Variants in SAMD4A observed in about 807,000 individuals in gnomAD.
SAMD4A encodes sterile alpha motif domain containing 4A.
SAMD4A carries 33 observed loss-of-function variants against 81.3 expected under a neutral mutation model. That is an observed-to-expected ratio of 0.41 (90% CI 0.31 to 0.54). The LOEUF is 0.54. SAMD4A is among the 20% of genes least tolerant of loss of function. The pLI is 0.37. For synonymous variants in SAMD4A, 389 were observed against 382.1 expected, an observed-to-expected ratio of 1.02 and a Z score of -0.21; for missense variants, 854 against 951.1, an observed-to-expected ratio of 0.90 and a Z score of 1.34.
At chr14:54,701,919 A>C in intron 2 of SAMD4A, 143 bp from the exon 3 acceptor site, 1 of 873,600 alleles carries the variant, frequency 1.1e-6, no homozygotes, top group East Asian at 2.7e-5. Context: ...TCAGTTAACC[A>C]ATCTGATTCA....
chr14:54,774,850 A>T, intron 9 of SAMD4A, 84 bp from the exon 10 acceptor site: 1 of 1,275,696 alleles, frequency 7.8e-7, no homozygotes, highest in Non-Finnish European at 1.1e-6. Context: ...GAGACCTCCA[A>T]GGCGACATCC....
intron 2 of SAMD4A, among the ~76,000 whole-genome samples, chr14:54,572,239 G>A (rs1265354600): frequency 1.3e-5 from 2 of 152,142 alleles, no homozygotes; most frequent in Non-Finnish European, 2.9e-5. Context: ...TATGAGGAGA[G>A]GCCTACTGGG....
At chr14:54,675,866 G>A (rs928907654) in intron 2 of SAMD4A, among the ~76,000 whole-genome samples, 6 of 152,282 alleles carry the variant, frequency 3.9e-5, no homozygotes, top group African/African-American at 1.2e-4. Flanking sequence ...AAGATCTCAC[G>A]GTAGAGAGTC....
At position 54,682,352 on chromosome 14, in the gene SAMD4A, G is replaced by A. The variant is rs115277688; in HGVS notation, c.197-19710G>A. Among the ~76,000 whole-genome samples the A allele has an allele frequency of 4.8e-3, 724 of 152,224 alleles. 2 individuals are homozygous for A. Among genetic ancestry groups the A allele is most frequent in the African/African-American group, 0.017 (694 of 41,534 alleles). On this transcript the variant is annotated intron_variant, in intron 2 of 12. Coordinates refer to ENST00000554335, the MANE Select transcript of SAMD4A (RefSeq NM_015589.6). ...ATCTTCCCTGAGCCATGCCTGTGTA[G>A]GAGGCAGCCACAGAATAATAAGCAG...
chr14:54,771,495 C>G (rs768167850), intron 9 of SAMD4A, among the ~76,000 whole-genome samples: 1 of 152,112 alleles, frequency 6.6e-6, no homozygotes, highest in Admixed American at 6.5e-5. Flanking sequence ...TCAGGCAAAG[C>G]GACACTCTTC....
intron 8 of SAMD4A, 81 bp downstream of exon 8, chr14:54,764,621 T>C: frequency 1.1e-6 from 1 of 927,072 alleles, no homozygotes; most frequent in Non-Finnish European, 1.7e-6. Flanking sequence ...ATGTGATCAT[T>C]TTAGCCTCCA....
intron 2 of SAMD4A, among the ~76,000 whole-genome samples, chr14:54,676,187 C>T (rs1649203360): frequency 6.6e-6 from 1 of 152,216 alleles, no homozygotes; most frequent in South Asian, 2.1e-4. Context: ...TGGCTCCTGA[C>T]AGTCACCCTA....
intron 2 of SAMD4A, among the ~76,000 whole-genome samples, chr14:54,613,917 C>T (rs2034428150): frequency 6.6e-6 from 1 of 152,196 alleles, no homozygotes; most frequent in Non-Finnish European, 1.5e-5. Flanking sequence ...AGTACAAATT[C>T]ACCCGTAAGA....
At chr14:54,779,334 C>A (rs2038941109) in intron 11 of SAMD4A, among the ~76,000 whole-genome samples, 1 of 152,126 alleles carries the variant, frequency 6.6e-6, no homozygotes, top group Non-Finnish European at 1.5e-5. Context: ...TGTAACTAAC[C>A]CAAAAGTAGA....
chr14:54,646,534 G>C (rs1417508060), intron 2 of SAMD4A, among the ~76,000 whole-genome samples: 1 of 152,226 alleles, frequency 6.6e-6, no homozygotes, highest in Admixed American at 6.5e-5. Context: ...CACTGGCCTA[G>C]CACATTTAGA....
intron 3 of SAMD4A, among the ~76,000 whole-genome samples, chr14:54,720,078 C>G (rs74049621): frequency 0.038 from 5,735 of 152,196 alleles, 362 homozygotes; most frequent in African/African-American, 0.13. Flanking sequence ...TACTTTTAAT[C>G]TTTCTGTTCT....
At chr14:54,704,243 A>G (rs1159010951) in intron 3 of SAMD4A, among the ~76,000 whole-genome samples, 1 of 152,206 alleles carries the variant, frequency 6.6e-6, no homozygotes, top group East Asian at 1.9e-4. Flanking sequence ...ATAAGGAGTG[A>G]TGACATGCAG....
At chr14:54,748,574 C>T (rs2140967501) in intron 4 of SAMD4A, among the ~76,000 whole-genome samples, 1 of 152,160 alleles carries the variant, frequency 6.6e-6, no homozygotes, top group Non-Finnish European at 1.5e-5. Flanking sequence ...GCTCATGGAC[C>T]CCAACTTAGT....
chr14:54,769,415 G>A (rs1021306497), intron 8 of SAMD4A, among the ~76,000 whole-genome samples: 9 of 152,154 alleles, frequency 5.9e-5, no homozygotes, highest in South Asian at 4.1e-4. Flanking sequence ...AAGGCTAAAC[G>A]CAAAAGGAAA....
At chr14:54,590,816 C>T (rs932525255) in intron 2 of SAMD4A, among the ~76,000 whole-genome samples, 18 of 152,126 alleles carry the variant, frequency 1.2e-4, no homozygotes, top group African/African-American at 3.4e-4. Context: ...CCAAAGGCCA[C>T]CTTAGGGTTT....
chr14:54,628,437 A>C (rs2034817245), intron 2 of SAMD4A, among the ~76,000 whole-genome samples: 2 of 152,146 alleles, frequency 1.3e-5, no homozygotes, highest in South Asian at 4.1e-4. Flanking sequence ...GCAGCAGTAT[A>C]ACTCTGCATC....
chr14:54,782,270 G>A (rs539343610), intron 11 of SAMD4A, among the ~76,000 whole-genome samples: 1 of 151,914 alleles, frequency 6.6e-6, no homozygotes, highest in South Asian at 2.1e-4. Context: ...GTTTAAAGGG[G>A]AGCGCTGGAG....
At chr14:54,575,897 G>A (rs1307289) in intron 2 of SAMD4A, among the ~76,000 whole-genome samples, 108,093 of 151,832 alleles carry the variant, frequency 0.71, 40,183 homozygotes, top group Non-Finnish European at 0.83. Flanking sequence ...GAAGAAGGCC[G>A]GAGAATTTCC....
chr14:54,772,357 A>G (rs1270805111), intron 9 of SAMD4A, among the ~76,000 whole-genome samples: 2 of 152,252 alleles, frequency 1.3e-5, no homozygotes, highest in African/African-American at 4.8e-5. Flanking sequence ...AGCGATCTTA[A>G]GTAACCCAAG....
Sources: gnomAD v4.1 joint callset for allele counts (sites outside exome capture counted in the v4.1 genomes callset) on GRCh38, gnomAD v4.1.1 for gene constraint, MANE v1.5 for transcripts, NCBI Gene and HGNC (gene_info 2026-07-23, HGNC 2026-07-21) for gene names.